GPC6: variants seen among roughly 807,000 people sequenced by gnomAD.
GPC6 encodes the protein glypican 6.
Under a neutral mutation model 55.2 loss-of-function variants are expected in GPC6, and 14 were observed. The ratio of observed to expected loss-of-function variants is 0.25; its 90% confidence interval spans 0.17 to 0.40. GPC6 has a LOEUF of 0.40. Ranked by LOEUF, GPC6 falls within the 10% of genes least tolerant of loss-of-function variation. GPC6 has a pLI of 1.00. For synonymous variants in GPC6, 278 were observed against 259.6 expected (o/e 1.07, Z -0.68); for missense variants, 641 against 708.5 (o/e 0.90, Z 1.08).
chr13:93,354,354 T>TTTTTGTTTG (rs770579503), intron 1 of GPC6, among the ~76,000 whole-genome samples: 3,974 of 138,764 alleles, frequency 0.029, 89 homozygotes, highest in South Asian at 0.063. Flanking sequence ...GGTAGATTTT[T>TTTTTGTTTG]TTTTTTTTTT....
intron 4 of GPC6, among the ~76,000 whole-genome samples, chr13:94,223,431 T>C (rs1360247214): frequency 2.0e-5 from 3 of 152,202 alleles, no homozygotes; most frequent in Non-Finnish European, 4.4e-5. Context: ...ATCATTGTGC[T>C]CATTTTACAG....
At chr13:93,816,768 C>T (rs1271406992) in intron 2 of GPC6, among the ~76,000 whole-genome samples, 2 of 151,284 alleles carry the variant, frequency 1.3e-5, no homozygotes, top group Non-Finnish European at 2.9e-5. Context: ...AATTGTAAAT[C>T]GTTATTATAT....
rs139373798 is a variant in GPC6 at position 94,028,260 on chromosome 13, G to A, written c.877+366G>A. Among the ~76,000 whole-genome samples the A allele has an allele frequency of 4.2e-3, 639 of 150,628 alleles. 6 individuals are homozygous for A. The highest frequency in any genetic ancestry group is 0.015 in the African/African-American group (614 of 40,912). ...AGCCTGGGTGACAGAGTGGGACCCT[G>A]TCTCAAAAAAAAAAAATGTTATGAT... On this transcript the variant is annotated intron_variant, in intron 4 of 8. Coordinates refer to ENST00000377047, the MANE Select transcript of GPC6 (RefSeq NM_005708.5).
At position 94,081,295 on chromosome 13, in the gene GPC6, A is replaced by G. The variant is rs114722062; in HGVS notation, c.877+53401A>G. Among the ~76,000 whole-genome samples the G allele has an allele frequency of 5.9e-3, 894 of 152,304 alleles. 12 individuals are homozygous for G. Among genetic ancestry groups the G allele is most frequent in the African/African-American group, 0.021 (862 of 41,558 alleles). On this transcript the variant is annotated intron_variant, in intron 4 of 8. Transcript: ENST00000377047. ...CCAGCAGTATTACTACCACCATTTA[A>G]TTGTCAATGATCCTAAACTATTTTT...
At chr13:93,685,679 A>G (rs78201014) in intron 2 of GPC6, among the ~76,000 whole-genome samples, 37 of 152,232 alleles carry the variant, frequency 2.4e-4, no homozygotes, top group African/African-American at 8.7e-4. Flanking sequence ...TGGAGTCGCT[A>G]GTTGATTTTT....
chr13:93,231,180 A>T (rs2139000757), intron 1 of GPC6, among the ~76,000 whole-genome samples: 1 of 151,618 alleles, frequency 6.6e-6, no homozygotes, highest in South Asian at 2.1e-4. Flanking sequence ...ACTAGTAAGT[A>T]ATGAGGCTGC....
intron 7 of GPC6, among the ~76,000 whole-genome samples, chr13:94,392,893 G>C (rs770820612): frequency 6.6e-6 from 1 of 151,952 alleles, no homozygotes; most frequent in African/African-American, 2.4e-5. Context: ...GATTATAGGT[G>C]TGAGCCACTG....
At chr13:94,171,534 AC>A (rs1441160801) in intron 4 of GPC6, among the ~76,000 whole-genome samples, 1 of 152,208 alleles carries the variant, frequency 6.6e-6, no homozygotes, top group East Asian at 1.9e-4. Context: ...ATTCAAAAGA[AC>A]AAATGCCTCC....
chr13:93,981,897 T>G (rs1056145631), intron 3 of GPC6, among the ~76,000 whole-genome samples: 3 of 152,204 alleles, frequency 2.0e-5, no homozygotes, highest in African/African-American at 7.2e-5. Context: ...TTTATTTCTC[T>G]TTATTTTATT....
intron 1 of GPC6, among the ~76,000 whole-genome samples, chr13:93,295,966 G>A (rs540807895): frequency 2.0e-5 from 3 of 152,206 alleles, no homozygotes; most frequent in South Asian, 4.1e-4. Flanking sequence ...GATTACAGGC[G>A]TGAGCCACCT....
chr13:93,645,885 T>G (rs761917527), intron 2 of GPC6, among the ~76,000 whole-genome samples: 1 of 152,106 alleles, frequency 6.6e-6, no homozygotes, highest in Non-Finnish European at 1.5e-5. Context: ...CTGCTGACCA[T>G]TTAAAGGAAT....
intron 2 of GPC6, among the ~76,000 whole-genome samples, chr13:93,713,209 A>T (rs1021099439): frequency 1.3e-5 from 2 of 151,650 alleles, no homozygotes; most frequent in Admixed American, 6.6e-5. Flanking sequence ...AAATGCAATT[A>T]CTGGTAAACA....
chr13:94,029,227 G>A (rs1883020882), intron 4 of GPC6, among the ~76,000 whole-genome samples: 1 of 152,216 alleles, frequency 6.6e-6, no homozygotes, highest in Admixed American at 6.5e-5. Flanking sequence ...AGAAAGGCCA[G>A]AGGAAATGGT....
At chr13:93,794,575 GA>G (rs1221580405) in intron 2 of GPC6, among the ~76,000 whole-genome samples, 5 of 152,186 alleles carry the variant, frequency 3.3e-5, no homozygotes, top group African/African-American at 7.2e-5. Flanking sequence ...TTCTGGGGGG[GA>G]AAAAGAAAGA....
At chr13:93,962,631 A>G (rs1453093401) in intron 3 of GPC6, among the ~76,000 whole-genome samples, 1 of 152,220 alleles carries the variant, frequency 6.6e-6, no homozygotes, top group Non-Finnish European at 1.5e-5. Flanking sequence ...TTATTTGGTG[A>G]CATGGATTAA....
chr13:93,500,170 G>T (rs1251048036), intron 1 of GPC6, among the ~76,000 whole-genome samples: 1 of 152,176 alleles, frequency 6.6e-6, no homozygotes, highest in Non-Finnish European at 1.5e-5. Flanking sequence ...TTCCAGGTTG[G>T]CATTTGGTGT....
intron 2 of GPC6, among the ~76,000 whole-genome samples, chr13:93,617,998 C>G (rs1878796333): frequency 6.6e-6 from 1 of 152,018 alleles, no homozygotes; most frequent in Non-Finnish European, 1.5e-5. Context: ...AAAATTTAAT[C>G]TGGCTCTGGT....
chr13:94,060,895 T>G (rs1884299058), intron 4 of GPC6, among the ~76,000 whole-genome samples: 1 of 152,214 alleles, frequency 6.6e-6, no homozygotes, highest in South Asian at 2.1e-4. Context: ...TTGAAAGTAA[T>G]TGTACATGCA....
intron 1 of GPC6, among the ~76,000 whole-genome samples, chr13:93,314,629 G>T (rs1017265030): frequency 2.6e-5 from 4 of 151,946 alleles, no homozygotes; most frequent in African/African-American, 7.2e-5. Context: ...AAATAAAGTT[G>T]CATGAGCATA....
Sources: gnomAD v4.1 joint callset for allele counts (sites outside exome capture counted in the v4.1 genomes callset) on GRCh38, gnomAD v4.1.1 for gene constraint, MANE v1.5 for transcripts, NCBI Gene and HGNC (gene_info 2026-07-23, HGNC 2026-07-21) for gene names.